The following CHSY3 variants were observed in gnomAD, a reference collection of about 807,000 sequenced individuals.
The protein encoded by CHSY3 is chondroitin sulfate synthase 3.
Under a neutral mutation model 67.2 loss-of-function variants are expected in CHSY3, and 35 were observed. The ratio of observed to expected loss-of-function variants is 0.52; its 90% CI spans 0.40 to 0.69. The LOEUF is 0.69. Among genes scored for constraint, CHSY3 ranks in the 30% least tolerant of loss-of-function variants. CHSY3 has a pLI of 0.00. For synonymous variants in CHSY3, 474 were observed against 434.7 expected, an observed-to-expected ratio of 1.09 and a Z score of -1.12; for missense variants, 1,069 against 1,138.5, an observed-to-expected ratio of 0.94 and a Z score of 0.88.
At chr5:130,092,445 T>TAGAGC (rs1319967351) in intron 2 of CHSY3, among the ~76,000 whole-genome samples, 31 of 152,156 alleles carry the variant, frequency 2.0e-4, no homozygotes, top group Admixed American at 3.3e-4. Flanking sequence ...TCACACCTCT[T>TAGAGC]TATAAAATAC....
intron 2 of CHSY3, among the ~76,000 whole-genome samples, chr5:130,091,117 C>T (rs1766862592): frequency 8.6e-6 from 1 of 116,154 alleles, no homozygotes; most frequent in African/African-American, 3.8e-5. Flanking sequence ...ACGCAACACA[C>T]ACACACACAC....
At chr5:129,980,998 A>C (rs934671279) in intron 2 of CHSY3, among the ~76,000 whole-genome samples, 1 of 150,822 alleles carries the variant, frequency 6.6e-6, no homozygotes, top group African/African-American at 2.4e-5. Context: ...CGAGGTAAGG[A>C]GATCGAGACC....
intron 2 of CHSY3, among the ~76,000 whole-genome samples, chr5:130,143,267 G>T (rs1768926356): frequency 1.3e-5 from 2 of 152,040 alleles, no homozygotes; most frequent in South Asian, 4.2e-4. Flanking sequence ...AAATAGAAAG[G>T]CAATAACCCT....
In CHSY3 at chr5:130,089,171, G is replaced by A. The variant is rs1455863625; in HGVS notation, c.1087-95058G>A. On this transcript the variant is annotated intron_variant, in intron 2 of 2. Transcript: ENST00000305031. ...CTCACTCATAGGTGGGAATTGAAGAGTGAGAACACATGGACACAGGAAGGG... is the reference window on the plus strand; with the variant it reads ...CTCACTCATAGGTGGGAATTGAAGAATGAGAACACATGGACACAGGAAGGG... 4.9e-5 allele frequency among the ~76,000 whole-genome samples: 7 copies of A among 141,744 alleles called. No homozygotes were observed. In the South Asian group the frequency reaches 6.6e-4, roughly 13 times the overall value. 93.0% of individuals were successfully genotyped at this position (141,744 alleles called of 152,430 possible). A position where few individuals can be genotyped will look rare whatever the true frequency, so the allele number is the denominator to read the frequency against.
At chr5:130,025,924 C>T (rs970143617) in intron 2 of CHSY3, among the ~76,000 whole-genome samples, 1 of 152,048 alleles carries the variant, frequency 6.6e-6, no homozygotes, top group East Asian at 1.9e-4. Context: ...TTTTGACCAC[C>T]ATTGAGAATG....
chr5:129,919,113 CA>C (rs35333880), intron 2 of CHSY3, among the ~76,000 whole-genome samples: 50 of 73,424 alleles, frequency 6.8e-4, no homozygotes, highest in Admixed American at 1.2e-3. Context: ...GACTCCGTCT[CA>C]AAAAAAAAAA....
intron 2 of CHSY3, among the ~76,000 whole-genome samples, chr5:130,040,517 G>A (rs567448889): frequency 1.3e-5 from 2 of 152,230 alleles, no homozygotes; most frequent in African/African-American, 4.8e-5. Context: ...TGAGGAGATG[G>A]CAAAGGCTCA....
intron 2 of CHSY3, among the ~76,000 whole-genome samples, chr5:130,161,580 G>C (rs751791621): frequency 2.6e-5 from 4 of 152,090 alleles, no homozygotes; most frequent in Non-Finnish European, 5.9e-5. Flanking sequence ...CAGAATTGTG[G>C]TTACATTTTG....
At chr5:130,001,575 C>T in intron 2 of CHSY3, 1 of 870,022 alleles carries the variant, frequency 1.1e-6, no homozygotes. Flanking sequence ...TGCCTTTATT[C>T]CAAAAGAATA....
intron 2 of CHSY3, among the ~76,000 whole-genome samples, chr5:130,070,117 T>C (rs1766011109): frequency 6.6e-6 from 1 of 152,104 alleles, no homozygotes; most frequent in Non-Finnish European, 1.5e-5. Flanking sequence ...TCAGATCTTA[T>C]AGCTGTTTTA....
intron 1 of CHSY3, among the ~76,000 whole-genome samples, chr5:129,906,335 A>T (rs1349898144): frequency 6.6e-6 from 1 of 152,040 alleles, no homozygotes; most frequent in Admixed American, 6.5e-5. Flanking sequence ...CCCTGAGAGG[A>T]TGGGCATGTT....
intron 2 of CHSY3, among the ~76,000 whole-genome samples, chr5:130,180,437 C>T (rs1041636372): frequency 1.9e-4 from 29 of 152,116 alleles, no homozygotes; most frequent in African/African-American, 5.6e-4. Context: ...TACAGTTATA[C>T]AATCATTACC....
At position 129,909,099 on chromosome 5, in the gene CHSY3, G is replaced by A. The variant is rs60538937; in HGVS notation, c.1086+739G>A. ...TAATCTTAGCTATTTATTTATTGCC[G>A]TGATCATTTTTATGAAATACTTAGA... On this transcript the variant is annotated intron_variant, in intron 2 of 2. Coordinates refer to ENST00000305031, the MANE Select transcript of CHSY3 (RefSeq NM_175856.5). 6.9e-3 allele frequency among the ~76,000 whole-genome samples: 1,052 copies of A among 151,988 alleles called. 7 individuals are homozygous for A. The highest frequency in any genetic ancestry group is 0.024 in the African/African-American group (992 of 41,480).
At chr5:130,046,044 T>C (rs966630846) in intron 2 of CHSY3, among the ~76,000 whole-genome samples, 32 of 152,162 alleles carry the variant, frequency 2.1e-4, no homozygotes, top group African/African-American at 7.5e-4. Flanking sequence ...CTAGCAATAC[T>C]TAACTGCAGG....
intron 2 of CHSY3, among the ~76,000 whole-genome samples, chr5:130,012,426 C>T (rs975414828): frequency 6.6e-6 from 1 of 152,162 alleles, no homozygotes; most frequent in African/African-American, 2.4e-5. Context: ...CTTCCTTTCA[C>T]CATTGTTTTA....
chr5:129,997,605 C>T (rs991063707), intron 2 of CHSY3, among the ~76,000 whole-genome samples: 8 of 151,946 alleles, frequency 5.3e-5, no homozygotes, highest in African/African-American at 1.9e-4. Flanking sequence ...TTTGCTGCAC[C>T]CATCAACTCA....
intron 2 of CHSY3, among the ~76,000 whole-genome samples, chr5:130,098,652 A>G (rs1767129206): frequency 6.6e-6 from 1 of 152,260 alleles, no homozygotes; most frequent in African/African-American, 2.4e-5. Context: ...AGTAGGTTCT[A>G]GAAGAATTTA....
intron 2 of CHSY3, among the ~76,000 whole-genome samples, chr5:130,047,825 T>C (rs1271592683): frequency 6.6e-6 from 1 of 152,050 alleles, no homozygotes; most frequent in Non-Finnish European, 1.5e-5. Context: ...TGCGAATATA[T>C]GTTTTAACGA....
chr5:130,185,319 A>AT lies in CHSY3; in HGVS notation c.2181dup (p.Leu728SerfsTer5). 1 of 1,611,582 alleles carries AT rather than the reference A, an allele frequency of 6.2e-7. No individual in the cohort carries two copies. The highest frequency in any genetic ancestry group is 2.2e-5 in the East Asian group (1 of 44,860). On this transcript the variant is annotated frameshift_variant, in exon 3 of 3. Coordinates refer to ENST00000305031, the MANE Select transcript of CHSY3 (RefSeq NM_175856.5). LOFTEE classifies it high-confidence loss of function. The stretch of plus-strand genomic sequence containing the variant: ...GATGTTGACTTGATCTTCAGAGAAG[A>AT]TTTTCTCCAACGATGTAGAGACAAT...
Sources: allele counts gnomAD v4.1 joint callset (sites outside exome capture counted in the v4.1 genomes callset), GRCh38; gene constraint gnomAD v4.1.1; transcripts MANE v1.5; gene names NCBI Gene and HGNC (gene_info 2026-07-23, HGNC 2026-07-21).